Variants in CCSER2 observed in about 807,000 individuals in gnomAD.
CCSER2 encodes the protein coiled-coil serine rich protein 2, also known as serine-rich coiled-coil domain-containing protein 2.
Under a neutral mutation model 92.3 loss-of-function variants are expected in CCSER2, and 46 were observed. The ratio of observed to expected loss-of-function variants is 0.50; its 90% CI spans 0.39 to 0.64. The LOEUF (loss-of-function observed/expected upper bound fraction) is 0.64, where lower values mean the gene tolerates loss of function less well. Ranked by LOEUF, CCSER2 falls within the 30% of genes least tolerant of loss-of-function variation. CCSER2 has a pLI of 0.00. For synonymous variants in CCSER2, 433 were observed against 431.4 expected (o/e 1.00, Z -0.04); for missense variants, 1,244 against 1,238.9 (o/e 1.00, Z -0.06).
chr10:84,449,653 G>A (rs532524209), intron 6 of CCSER2, among the ~76,000 whole-genome samples: 1 of 152,124 alleles, frequency 6.6e-6, no homozygotes, highest in East Asian at 1.9e-4. Flanking sequence ...TTGGGAGTTC[G>A]AGACCAGCCT....
intron 8 of CCSER2, among the ~76,000 whole-genome samples, chr10:84,477,166 A>G (rs1243328236): frequency 1.3e-5 from 2 of 152,224 alleles, no homozygotes; most frequent in African/African-American, 4.8e-5. Context: ...TTAACTCTTT[A>G]TATTGATATA....
At chr10:84,350,710 A>G (rs886307145) in intron 1 of CCSER2, among the ~76,000 whole-genome samples, 1 of 152,144 alleles carries the variant, frequency 6.6e-6, no homozygotes, top group Non-Finnish European at 1.5e-5. Flanking sequence ...TGGGCTGAAA[A>G]CTGCCCTTTT....
At position 84,427,053 on chromosome 10, in the gene CCSER2, T is replaced by G. The variant is rs1026727612; in HGVS notation, c.1868+1160T>G. ...ATTTTGCAAAAGGTGGTAAAAAATA[T>G]AATATGTAGCCATTTTCCAAAACAT... On this transcript the variant is annotated intron_variant, in intron 5 of 9. Transcript: ENST00000372088. Among the ~76,000 whole-genome samples, 4 of 152,218 alleles carry G rather than the reference T, an allele frequency of 2.6e-5. 1 individual carries two copies. Among genetic ancestry groups the G allele is most frequent in the Non-Finnish European group, 5.9e-5 (4 of 68,038 alleles).
chr10:84,420,932 C>CAAAAAAAAAAAA (rs59244448), intron 4 of CCSER2, among the ~76,000 whole-genome samples: 1 of 84,826 alleles, frequency 1.2e-5, no homozygotes, highest in African/African-American at 4.6e-5. Flanking sequence ...GACTCCATCT[C>CAAAAAAAAAAAA]AAAAAAAAAA....
chr10:84,383,307 T>G (rs2133221957), intron 3 of CCSER2, among the ~76,000 whole-genome samples: 1 of 150,962 alleles, frequency 6.6e-6, no homozygotes, highest in South Asian at 2.1e-4. Flanking sequence ...GATCTTTTTA[T>G]TTATTTATTT....
At position 84,371,141 on chromosome 10, in the gene CCSER2, T is replaced by A. The variant is rs762243810; in HGVS notation, c.89T>A (p.Met30Lys). Residue 30 changes from methionine (M) to lysine (K), a missense_variant, in exon 2 of 10, where the codon ATG becomes AAG. By Grantham distance (95) the Met-to-Lys change is moderately conservative. Coordinates refer to ENST00000372088, the MANE Select transcript of CCSER2 (RefSeq NM_001284240.2). ...TKSVRSTLQP[M>K]PNGTPVNLLG... ...TCTGTAAGAAGTACATTGCAGCCAA[T>A]GCCAAATGGGACACCTGTTAATTTA... 1 of 1,613,392 alleles carries A rather than the reference T, an allele frequency of 6.2e-7. No homozygotes were observed. Among genetic ancestry groups the A allele is most frequent in the South Asian group, 1.1e-5 (1 of 90,870 alleles).
At chr10:84,332,248 T>G (rs1843595308) in intron 1 of CCSER2, among the ~76,000 whole-genome samples, 1 of 151,648 alleles carries the variant, frequency 6.6e-6, no homozygotes, top group Non-Finnish European at 1.5e-5. Context: ...TCTTCTAGTT[T>G]TATTTTCTCC....
intron 6 of CCSER2, among the ~76,000 whole-genome samples, chr10:84,441,765 T>G (rs1177352428): frequency 9.3e-6 from 1 of 107,880 alleles, no homozygotes; most frequent in Non-Finnish European, 1.9e-5. Flanking sequence ...TTTTTTTTTT[T>G]TTTTTTTTTT....
intron 3 of CCSER2, among the ~76,000 whole-genome samples, chr10:84,385,605 G>A (rs1841157624): frequency 6.6e-6 from 1 of 152,112 alleles, no homozygotes; most frequent in South Asian, 2.1e-4. Flanking sequence ...CAGAAATTAA[G>A]ATGGATTAAA....
At chr10:84,352,746 A>G (rs1844933345) in intron 1 of CCSER2, among the ~76,000 whole-genome samples, 3 of 152,014 alleles carry the variant, frequency 2.0e-5, no homozygotes, top group African/African-American at 7.3e-5. Context: ...GGGAATAAAT[A>G]TACCTATCTA....
At chr10:84,384,553 A>T (rs80038307) in intron 3 of CCSER2, among the ~76,000 whole-genome samples, 1 of 152,230 alleles carries the variant, frequency 6.6e-6, no homozygotes, top group Non-Finnish European at 1.5e-5. Context: ...AAGAAAAAGC[A>T]TTTGATAAAA....
In CCSER2 at chr10:84,328,593, T is replaced by G. The variant is rs1263628780; in HGVS notation, c.-255T>G. 4.7e-5 allele frequency: 7 copies of G among 149,426 alleles called. No homozygotes were observed. The highest frequency in any genetic ancestry group is 1.7e-4 in the African/African-American group (7 of 40,712). 9.3% of individuals were successfully genotyped at this position (149,426 alleles called of 1,614,324 possible). A position where few individuals can be genotyped will look rare whatever the true frequency, so the allele number is the denominator to read the frequency against. ...GGTGCGCCGGCCCTGGAGGGCGGAG[T>G]CCGGGCGGGCGCCGGCCGAGGGAGG... On this transcript the variant is annotated 5_prime_UTR_variant, in exon 1 of 10. Transcript: ENST00000372088.
At chr10:84,355,308 A>G (rs1363466891) in intron 1 of CCSER2, among the ~76,000 whole-genome samples, 1 of 152,168 alleles carries the variant, frequency 6.6e-6, no homozygotes, top group African/African-American at 2.4e-5. Flanking sequence ...AACCCTGTTC[A>G]CTACCATTGT....
At chr10:84,364,622 G>GT (rs1157791674) in intron 1 of CCSER2, among the ~76,000 whole-genome samples, 1 of 152,124 alleles carries the variant, frequency 6.6e-6, no homozygotes, top group African/African-American at 2.4e-5. Flanking sequence ...TACCTATCAT[G>GT]TAAGTGCTTA....
chr10:84,387,891 G>A (rs1408757313), intron 3 of CCSER2, among the ~76,000 whole-genome samples: 1 of 151,732 alleles, frequency 6.6e-6, no homozygotes, highest in Non-Finnish European at 1.5e-5. Context: ...TTGAGACGGA[G>A]TCTTGCTCTT....
At chr10:84,480,263 T>C (rs1847382707) in intron 9 of CCSER2, among the ~76,000 whole-genome samples, 1 of 152,110 alleles carries the variant, frequency 6.6e-6, no homozygotes, top group Non-Finnish European at 1.5e-5. Context: ...GCTCAGGTGA[T>C]CTTTTTGCCT....
chr10:84,332,595 C>T (rs921882897), intron 1 of CCSER2, among the ~76,000 whole-genome samples: 10 of 150,944 alleles, frequency 6.6e-5, no homozygotes, highest in Admixed American at 2.6e-4. Context: ...CGCGCCACCA[C>T]GCCTGCCTAA....
chr10:84,499,514 A>G (rs1190760204), intron 9 of CCSER2, among the ~76,000 whole-genome samples: 8 of 152,280 alleles, frequency 5.3e-5, no homozygotes, highest in African/African-American at 1.2e-4. Flanking sequence ...TTTAACACCT[A>G]AAGTCTATCT....
intron 1 of CCSER2, among the ~76,000 whole-genome samples, chr10:84,345,497 T>G (rs1048059608): frequency 2.6e-5 from 4 of 152,228 alleles, no homozygotes; most frequent in Admixed American, 6.5e-5. Context: ...TGGAGTACTT[T>G]ATGTACATTC....
Sources: allele counts gnomAD v4.1 joint callset (sites outside exome capture counted in the v4.1 genomes callset), GRCh38; gene constraint gnomAD v4.1.1; transcripts MANE v1.5; gene names NCBI Gene and HGNC (gene_info 2026-07-23, HGNC 2026-07-21).